The following ENTREP2 variants were observed in gnomAD, a reference collection of about 807,000 sequenced individuals.
ENTREP2 encodes endosomal transmembrane epsin interactor 2.
chr15:29,321,682 G>C, the ENTREP2 span, among the ~76,000 whole-genome samples: 2 of 150,654 alleles, frequency 1.3e-5, no homozygotes, highest in Non-Finnish European at 3.0e-5. Context: ...AAGTGAAAAA[G>C]AAATAAAGAC....
the ENTREP2 span, among the ~76,000 whole-genome samples, chr15:29,216,080 A>C: frequency 6.6e-6 from 1 of 152,096 alleles, no homozygotes; most frequent in Non-Finnish European, 1.5e-5. Context: ...TTATGCTTTA[A>C]AGAGGTTCTG....
chr15:29,207,455 C>CGGGGGG, the ENTREP2 span, among the ~76,000 whole-genome samples: 316 of 122,894 alleles, frequency 2.6e-3, no homozygotes, highest in African/African-American at 9.8e-3. Flanking sequence ...GGTTGGGGGG[C>CGGGGGG]GGGGGGGGTG....
At chr15:29,313,172 T>C in the ENTREP2 span, among the ~76,000 whole-genome samples, 1 of 152,212 alleles carries the variant, frequency 6.6e-6, no homozygotes, top group African/African-American at 2.4e-5. Context: ...AATTTGAAGC[T>C]AACAGAGGTT....
chr15:29,271,330 A>G, the ENTREP2 span, among the ~76,000 whole-genome samples: 1 of 152,246 alleles, frequency 6.6e-6, no homozygotes, highest in Non-Finnish European at 1.5e-5. Flanking sequence ...GCTTCCTGCC[A>G]TCTAGAATTC....
At chr15:29,547,059 GAAC>G in the ENTREP2 span, among the ~76,000 whole-genome samples, 5 of 150,776 alleles carry the variant, frequency 3.3e-5, no homozygotes, top group Admixed American at 2.0e-4. Context: ...GAAAGAAACA[GAAC>G]AACCACTGAA....
the ENTREP2 span, among the ~76,000 whole-genome samples, chr15:29,278,650 A>T: frequency 5.8e-4 from 89 of 152,286 alleles, no homozygotes; most frequent in African/African-American, 1.8e-3. Flanking sequence ...ATACTTTTTC[A>T]GTGACTCCCA....
the ENTREP2 span, among the ~76,000 whole-genome samples, chr15:29,365,334 C>T: frequency 1.3e-5 from 2 of 150,880 alleles, no homozygotes; most frequent in Non-Finnish European, 2.9e-5. Context: ...CTCACTGCAA[C>T]CTCCACCTCC....
chr15:29,629,646 A>G, the ENTREP2 span, among the ~76,000 whole-genome samples: 1 of 152,246 alleles, frequency 6.6e-6, no homozygotes, highest in African/African-American at 2.4e-5. Flanking sequence ...ACCATACCAG[A>G]TGGCATTATA....
chr15:29,514,444 T>C, the ENTREP2 span, among the ~76,000 whole-genome samples: 2 of 152,242 alleles, frequency 1.3e-5, no homozygotes, highest in Non-Finnish European at 2.9e-5. Context: ...ACATTTTATG[T>C]ATCCACTCAT....
the ENTREP2 span, among the ~76,000 whole-genome samples, chr15:29,159,373 G>A: frequency 6.6e-6 from 1 of 152,198 alleles, no homozygotes. Context: ...TGGACCGAGA[G>A]AGTGAGCAGC....
At chr15:29,371,311 T>C in the ENTREP2 span, among the ~76,000 whole-genome samples, 2 of 147,654 alleles carry the variant, frequency 1.4e-5, no homozygotes, top group Admixed American at 1.4e-4. Context: ...TTAGGAAAGG[T>C]AAACTGTGCC....
At chr15:29,370,772 G>C in the ENTREP2 span, among the ~76,000 whole-genome samples, 1 of 152,140 alleles carries the variant, frequency 6.6e-6, no homozygotes, top group Non-Finnish European at 1.5e-5. Context: ...TAGAGTGTGA[G>C]AGCATGGGCT....
chr15:29,496,538 C>G, the ENTREP2 span, among the ~76,000 whole-genome samples: 2 of 152,084 alleles, frequency 1.3e-5, no homozygotes, highest in African/African-American at 2.4e-5. Flanking sequence ...TTATGGTTGA[C>G]TATGATGGTA....
At chr15:29,224,382 A>G in the ENTREP2 span, among the ~76,000 whole-genome samples, 1 of 152,124 alleles carries the variant, frequency 6.6e-6, no homozygotes, top group Non-Finnish European at 1.5e-5. Flanking sequence ...ACACTTGTGG[A>G]AGGGAACTGC....
chr15:29,644,530 C>T, the ENTREP2 span, among the ~76,000 whole-genome samples: 4 of 152,268 alleles, frequency 2.6e-5, no homozygotes, highest in East Asian at 1.9e-4. Flanking sequence ...TGGCCGGGCG[C>T]GGTGGCCCAC....
the ENTREP2 span, among the ~76,000 whole-genome samples, chr15:29,396,075 T>C: frequency 2.0e-5 from 3 of 152,216 alleles, no homozygotes; most frequent in Admixed American, 1.3e-4. Flanking sequence ...AAGCTAACCA[T>C]ATCCATCACC....
the ENTREP2 span, among the ~76,000 whole-genome samples, chr15:29,654,066 A>T: frequency 6.6e-6 from 1 of 152,190 alleles, no homozygotes; most frequent in South Asian, 2.1e-4. Flanking sequence ...TACTTATCTT[A>T]AATAATTTAT....
the ENTREP2 span, among the ~76,000 whole-genome samples, chr15:29,574,592 C>G: frequency 6.6e-6 from 1 of 152,174 alleles, no homozygotes; most frequent in Admixed American, 6.5e-5. Flanking sequence ...CACACCCGGC[C>G]AAGACCATTG....
the ENTREP2 span, among the ~76,000 whole-genome samples, chr15:29,438,016 T>C: frequency 2.0e-5 from 3 of 152,236 alleles, no homozygotes; most frequent in Admixed American, 6.5e-5. Context: ...GTTAAAAATA[T>C]GGCTGCCAGG....
Sources: gnomAD v4.1 joint callset for allele counts (sites outside exome capture counted in the v4.1 genomes callset) on GRCh38, gnomAD v4.1.1 for gene constraint, MANE v1.5 for transcripts, NCBI Gene and HGNC (gene_info 2026-07-23, HGNC 2026-07-21) for gene names.